The following NSMAF variants were observed in gnomAD, a reference collection of about 807,000 sequenced individuals.
NSMAF encodes the protein protein FAN.
NSMAF carries 90 observed loss-of-function variants against 134.9 expected under a neutral mutation model. The observed-to-expected ratio is 0.67, with a 90% CI of 0.56 to 0.79. The LOEUF (loss-of-function observed/expected upper bound fraction) is 0.79. Ranked by LOEUF, NSMAF falls within the 30% of genes least tolerant of loss-of-function variation. The pLI is 0.00. For synonymous variants in NSMAF, 358 were observed against 389.6 expected, an observed-to-expected ratio of 0.92 and a Z score of 0.96; for missense variants, 1,010 against 1,119.0, an observed-to-expected ratio of 0.90 and a Z score of 1.39.
At chr8:58,631,205 A>G (rs1026617820) in intron 6 of NSMAF, among the ~76,000 whole-genome samples, 1 of 152,134 alleles carries the variant, frequency 6.6e-6, no homozygotes, top group African/African-American at 2.4e-5. Context: ...AATTCTCAGT[A>G]ACACCCAGTA....
intron 1 of NSMAF, among the ~76,000 whole-genome samples, chr8:58,655,038 C>T (rs1282379964): frequency 1.3e-5 from 2 of 151,938 alleles, no homozygotes; most frequent in Non-Finnish European, 2.9e-5. Flanking sequence ...AGGGTTTCAC[C>T]ATGTTGACCA....
At chr8:58,607,913 AG>A in intron 10 of NSMAF, 73 bp from the exon 11 acceptor site, 1 of 1,225,886 alleles carries the variant, frequency 8.2e-7, no homozygotes, top group Non-Finnish European at 1.2e-6. Context: ...AGTATCAGAA[AG>A]GGGAAAAAAA....
chr8:58,593,990 A>T (rs1806076317), intron 23 of NSMAF, among the ~76,000 whole-genome samples: 1 of 152,202 alleles, frequency 6.6e-6, no homozygotes, highest in African/African-American at 2.4e-5. Flanking sequence ...TGTGGAAAGG[A>T]GGCTGTTTCT....
At chr8:58,613,323 C>T (rs1455762343) in intron 9 of NSMAF, among the ~76,000 whole-genome samples, 1 of 151,986 alleles carries the variant, frequency 6.6e-6, no homozygotes, top group Non-Finnish European at 1.5e-5. Flanking sequence ...AAGATCATAA[C>T]AGGCAGGAGA....
At chr8:58,599,417 AT>A in intron 18 of NSMAF, 54 bp from the exon 19 acceptor site, 1 of 1,588,810 alleles carries the variant, frequency 6.3e-7, no homozygotes, top group East Asian at 2.2e-5. Context: ...TTTTCCTCCC[AT>A]TTCTCTTGTC....
At chr8:58,652,768 T>C (rs975317622) in intron 1 of NSMAF, among the ~76,000 whole-genome samples, 9 of 152,200 alleles carry the variant, frequency 5.9e-5, no homozygotes, top group African/African-American at 2.2e-4. Context: ...ATCTTCAAAA[T>C]GCTGAGAATT....
At position 58,597,456 on chromosome 8, in the gene NSMAF, T is replaced by A. The variant is rs769580105; in HGVS notation, c.1723A>T (p.Arg575Trp). Residue 575 changes from arginine (R) to tryptophan (W), a missense_variant, in exon 21 of 31, where the codon AGG (arginine) becomes TGG (tryptophan). Coordinates refer to ENST00000038176, the MANE Select transcript of NSMAF (RefSeq NM_003580.4). Reference protein sequence around the residue: ...KQLFVTPHPRRITPKFKSLSQ... With the variant: ...KQLFVTPHPRWITPKFKSLSQ... The stretch of plus-strand genomic sequence containing the variant: ...AAACTTTTAAACTTTGGGGTGATCC[T>A]TCGAGGATGTGGTGTCACAAATAGT... The A allele has an allele frequency of 1.2e-6, 2 of 1,614,032 alleles. No homozygotes were observed. The highest frequency in any genetic ancestry group is 1.7e-6 in the Non-Finnish European group (2 of 1,179,980).
At chr8:58,603,518 G>C (rs1208059420) in intron 12 of NSMAF, 132 bp from the exon 13 acceptor site, 10 of 748,028 alleles carry the variant, frequency 1.3e-5, no homozygotes, top group Non-Finnish European at 1.9e-5. Context: ...AAAGTAGGCT[G>C]CTGACTTGTT....
At chr8:58,628,555 T>C (rs2129145174) in intron 6 of NSMAF, among the ~76,000 whole-genome samples, 1 of 152,344 alleles carries the variant, frequency 6.6e-6, no homozygotes, top group East Asian at 1.9e-4. Context: ...TTTTAATTTG[T>C]ATACCAGAAT....
chr8:58,631,367 C>T, intron 6 of NSMAF, 129 bp downstream of exon 6: 1 of 440,944 alleles, frequency 2.3e-6, no homozygotes, highest in East Asian at 4.1e-5. Context: ...TTTGTTATAA[C>T]TTCCAGGTAA....
At chr8:58,628,244 AT>A (rs527506695) in intron 6 of NSMAF, among the ~76,000 whole-genome samples, 223 of 152,320 alleles carry the variant, frequency 1.5e-3, no homozygotes, top group Non-Finnish European at 2.6e-3. Flanking sequence ...CACAAGATGG[AT>A]CAAAGACTTA....
rs190605614 is a variant in NSMAF at position 58,585,347 on chromosome 8, T to C, written c.2659+305A>G. ...TTTTTTTTCTCTTTTTTTACTATTC[T>C]AAAAATTTAAGATCATGCTATTACC... On this transcript the variant is annotated intron_variant, in intron 30 of 30. Transcript: ENST00000038176. Among the ~76,000 whole-genome samples the C allele has an allele frequency of 2.7e-3, 407 of 150,970 alleles. 4 individuals are homozygous for C. The highest frequency in any genetic ancestry group is 7.9e-3 in the Admixed American group (120 of 15,206).
In NSMAF at chr8:58,594,226, A is replaced by G. The variant is rs1398655748; in HGVS notation, c.1951+6T>C. On this transcript the variant is annotated splice_donor_region_variant and intron_variant, in intron 23 of 30. Coordinates refer to ENST00000038176, the MANE Select transcript of NSMAF (RefSeq NM_003580.4). ...GTTAAGCCGCCTTTCGGGGAGGAAC[A>G]CTGACCTTGGGATGTTGTGAATACT... 1.9e-6 allele frequency: 3 copies of G among 1,613,894 alleles called. No individual in the cohort carries two copies.
At chr8:58,610,815 A>T (rs1386502087) in intron 9 of NSMAF, among the ~76,000 whole-genome samples, 2 of 152,236 alleles carry the variant, frequency 1.3e-5, no homozygotes, top group Non-Finnish European at 2.9e-5. Context: ...CCGATGGCTC[A>T]GTTATAAAGC....
At position 58,618,021 on chromosome 8, in the gene NSMAF, C is replaced by T. The variant is rs181851130; in HGVS notation, c.557+5199G>A. Reference sequence around the variant, plus strand: ...TTCATGTCCTTTGCAGGGACATGGACGAAGCTGGAAACCATCATTCTCAGC... The same window carrying T: ...TTCATGTCCTTTGCAGGGACATGGATGAAGCTGGAAACCATCATTCTCAGC... On this transcript the variant is annotated intron_variant, in intron 9 of 30. Coordinates refer to ENST00000038176, the MANE Select transcript of NSMAF (RefSeq NM_003580.4). Among the ~76,000 whole-genome samples the T allele has an allele frequency of 5.1e-4, 77 of 152,126 alleles. No homozygotes were observed. The East Asian group carries it at 9.3e-3, about 18-fold the overall frequency.
chr8:58,592,902 C>CAAAAAAAAAAAAAAAAAA (rs1194341835), intron 23 of NSMAF, among the ~76,000 whole-genome samples: 1 of 114,390 alleles, frequency 8.7e-6, no homozygotes, highest in African/African-American at 4.9e-5. Flanking sequence ...AAAACAAAAA[C>CAAAAAAAAAAAAAAAAAA]AAAAACAACA....
At chr8:58,651,080 C>T (rs1003850074) in intron 1 of NSMAF, among the ~76,000 whole-genome samples, 1 of 152,230 alleles carries the variant, frequency 6.6e-6, no homozygotes, top group Non-Finnish European at 1.5e-5. Context: ...CCCACTGCCT[C>T]ACCTCCTGGC....
At chr8:58,607,643 G>T in intron 11 of NSMAF, 126 bp downstream of exon 11, 1 of 703,854 alleles carries the variant, frequency 1.4e-6, no homozygotes, top group South Asian at 1.7e-5. Flanking sequence ...CAAAATCAGA[G>T]TCTATTTTCT....
chr8:58,586,248 A>G, intron 28 of NSMAF: 1 of 622,148 alleles, frequency 1.6e-6, no homozygotes, highest in Non-Finnish European at 2.8e-6. Context: ...GGAATTAAAA[A>G]TACCCAGTCC....
Sources: gnomAD v4.1 joint callset for allele counts (sites outside exome capture counted in the v4.1 genomes callset) on GRCh38, gnomAD v4.1.1 for gene constraint, MANE v1.5 for transcripts, NCBI Gene and HGNC (gene_info 2026-07-23, HGNC 2026-07-21) for gene names.